The following SQOR variants were observed in gnomAD, a reference collection of about 807,000 sequenced individuals.
The protein encoded by SQOR is sulfide:quinone oxidoreductase, mitochondrial.
Under a neutral mutation model 48.6 loss-of-function variants are expected in SQOR, and 39 were observed. The ratio of observed to expected loss-of-function variants is 0.80; its 90% CI spans 0.62 to 1.05. The LOEUF (loss-of-function observed/expected upper bound fraction) is 1.05, where lower values mean the gene tolerates loss of function less well. Ranked by LOEUF, SQOR falls within the 50% of genes least tolerant of loss-of-function variation. The probability of loss-of-function intolerance (pLI) is 0.00; values close to 1 mark genes in which losing one functional copy is unlikely to be tolerated. For missense variants in SQOR, 561 were observed against 559.9 expected, an observed-to-expected ratio of 1.00 and a Z score of -0.02; for synonymous variants, 220 against 206.2, an observed-to-expected ratio of 1.07 and a Z score of -0.57.
chr15:45,670,483 C>G (rs1336871192), intron 4 of SQOR, among the ~76,000 whole-genome samples: 1 of 152,184 alleles, frequency 6.6e-6, no homozygotes, highest in Non-Finnish European at 1.5e-5. Flanking sequence ...TCAGAAGTTC[C>G]TCAGATCCCC....
At chr15:45,643,054 G>A (rs944112413) in intron 1 of SQOR, among the ~76,000 whole-genome samples, 2 of 152,158 alleles carry the variant, frequency 1.3e-5, no homozygotes, top group Non-Finnish European at 2.9e-5. Context: ...CCCTTTGTGC[G>A]ATCACTTTCC....
At chr15:45,646,226 C>G (rs1036430023) in intron 1 of SQOR, among the ~76,000 whole-genome samples, 2 of 152,238 alleles carry the variant, frequency 1.3e-5, no homozygotes, top group Non-Finnish European at 2.9e-5. Flanking sequence ...CTGTTCTGCC[C>G]TATCGCAGCA....
chr15:45,631,652 C>G (rs1294150360), upstream of SQOR: 1 of 152,292 alleles, frequency 6.6e-6, no homozygotes, highest in Non-Finnish European at 1.5e-5. Flanking sequence ...GATAAGGATC[C>G]CTTTCACTGT....
intron 1 of SQOR, among the ~76,000 whole-genome samples, chr15:45,640,888 T>C (rs777606887): frequency 6.6e-6 from 1 of 152,150 alleles, no homozygotes; most frequent in Non-Finnish European, 1.5e-5. Context: ...ATATACAGAC[T>C]AGAAAGGAAA....
intron 9 of SQOR, among the ~76,000 whole-genome samples, chr15:45,690,147 C>A (rs953184800): frequency 2.2e-5 from 3 of 137,090 alleles, no homozygotes; most frequent in Non-Finnish European, 4.7e-5. Context: ...CTCGCTGCAA[C>A]CTCCACCTCC....
chr15:45,684,916 C>T (rs1198458502), intron 7 of SQOR, among the ~76,000 whole-genome samples: 2 of 152,176 alleles, frequency 1.3e-5, no homozygotes, highest in South Asian at 2.1e-4. Flanking sequence ...GGGAGCATCC[C>T]CATTGTTTTT....
At chr15:45,681,705 A>C (rs1890130120) in intron 6 of SQOR, among the ~76,000 whole-genome samples, 1 of 152,198 alleles carries the variant, frequency 6.6e-6, no homozygotes, top group Admixed American at 6.5e-5. Context: ...AAATAAAAAG[A>C]ATAATAAGAA....
At chr15:45,645,743 C>T (rs893972030) in intron 1 of SQOR, 7 of 152,238 alleles carry the variant, frequency 4.6e-5, no homozygotes, top group African/African-American at 1.7e-4. Flanking sequence ...TGGGACTTAG[C>T]TTCTATAATC....
chr15:45,638,455 G>A (rs1046273722), intron 1 of SQOR, among the ~76,000 whole-genome samples: 1 of 152,182 alleles, frequency 6.6e-6, no homozygotes, highest in Non-Finnish European at 1.5e-5. Context: ...AGGCACGGTG[G>A]CTCACGCCTG....
chr15:45,673,406 C>T (rs1889976863), intron 4 of SQOR, among the ~76,000 whole-genome samples: 1 of 152,126 alleles, frequency 6.6e-6, no homozygotes, highest in African/African-American at 2.4e-5. Flanking sequence ...GAGCTGAGCC[C>T]ATTCTGCAGT....
chr15:45,653,536 A>G (rs1054233157), intron 1 of SQOR, among the ~76,000 whole-genome samples: 1 of 152,144 alleles, frequency 6.6e-6, no homozygotes, highest in African/African-American at 2.4e-5. Flanking sequence ...GAGTTCACCA[A>G]CCCAGAAGCT....
rs752283192 is a variant in SQOR at position 45,658,889 on chromosome 15, C to T, written c.-17-18C>T. ...GGTTTCTACCTTGGCACTCACAGCC[C>T]TGTCTCTTCCCTTCCAGCCTGATCC... On this transcript the variant is annotated intron_variant, in intron 1 of 9. Transcript: ENST00000260324. 10 of 1,474,672 alleles carry T rather than the reference C, an allele frequency of 6.8e-6. No homozygotes were observed. The highest frequency in any genetic ancestry group is 9.0e-6 in the Non-Finnish European group (10 of 1,105,878). 91.3% of individuals were successfully genotyped at this position (1,474,672 alleles called of 1,614,324 possible). A position where few individuals can be genotyped will look rare whatever the true frequency, so the allele number is the denominator to read the frequency against.
chr15:45,662,808 G>A (rs1398075312), intron 3 of SQOR, among the ~76,000 whole-genome samples: 1 of 152,198 alleles, frequency 6.6e-6, no homozygotes, highest in Non-Finnish European at 1.5e-5. Flanking sequence ...GCTGAGCCCA[G>A]GGCAGGGGCA....
chr15:45,674,175 G>A (rs545017302), intron 5 of SQOR, among the ~76,000 whole-genome samples: 12 of 152,194 alleles, frequency 7.9e-5, no homozygotes, highest in Admixed American at 2.0e-4. Flanking sequence ...GGTGGCTCTC[G>A]CCTCTAATCC....
chr15:45,662,194 T>C, intron 3 of SQOR, 69 bp downstream of exon 3: 2 of 1,538,600 alleles, frequency 1.3e-6, no homozygotes, highest in Admixed American at 3.4e-5. Flanking sequence ...CATCTTAAAC[T>C]GGATAGCCTT....
intron 1 of SQOR, among the ~76,000 whole-genome samples, chr15:45,654,825 C>T (rs751630035): frequency 5.3e-5 from 8 of 152,064 alleles, no homozygotes; most frequent in East Asian, 1.9e-4. Context: ...TTGGTGGAGG[C>T]GGTGTCTGAT....
Position 45,682,544 on chromosome 15 carries a change from G to A in SQOR, c.931G>A (p.Asp311Asn), listed in dbSNP as rs774334424. The part of the protein sequence containing the change: ...PDVLKTSPVA[D>N]AAGWVDVDKE... The stretch of plus-strand genomic sequence containing the variant: ...TGTCCTCAAGACCAGTCCTGTGGCT[G>A]ATGCTGCTGGTTGGGTGGATGTGGA... Residue 311 changes from aspartate (D) to asparagine (N), a missense_variant, in exon 7 of 10, where the codon GAT (aspartate) becomes AAT (asparagine). By Grantham distance (23) the Asp-to-Asn change is conservative (BLOSUM62 1). Transcript: ENST00000260324. The A allele has an allele frequency of 9.3e-6, 15 of 1,614,212 alleles. No homozygotes were observed. The highest frequency in any genetic ancestry group is 1.7e-5 in the Admixed American group (1 of 60,022).
intron 5 of SQOR, among the ~76,000 whole-genome samples, chr15:45,675,419 G>T (rs1457450096): frequency 1.3e-5 from 2 of 148,960 alleles, no homozygotes; most frequent in Admixed American, 6.8e-5. Flanking sequence ...TTTGGAGACA[G>T]AATTTTGCTC....
chr15:45,646,118 A>G (rs1483447049), intron 1 of SQOR: 4 of 152,236 alleles, frequency 2.6e-5, no homozygotes, highest in African/African-American at 9.6e-5. Flanking sequence ...CCCAAATTGT[A>G]TAGGGTTCAA....
Sources: allele counts gnomAD v4.1 joint callset (sites outside exome capture counted in the v4.1 genomes callset), GRCh38; gene constraint gnomAD v4.1.1; transcripts MANE v1.5; gene names NCBI Gene and HGNC (gene_info 2026-07-23, HGNC 2026-07-21).